Variants in GRM5 observed in about 807,000 individuals in gnomAD.
GRM5 encodes the protein metabotropic glutamate receptor 5.
A neutral mutation model predicts 83.1 loss-of-function variants in GRM5; 19 were observed. That is an observed-to-expected ratio of 0.23 (90% confidence interval 0.16 to 0.34). GRM5 has a LOEUF of 0.34. Among genes scored for constraint, GRM5 ranks in the 10% least tolerant of loss-of-function variants. The pLI, the probability that GRM5 is intolerant of heterozygous loss-of-function variation, is 1.00. For missense variants in GRM5, 1,160 were observed against 1,588.3 expected, an observed-to-expected ratio of 0.73 and a Z score of 4.58; for synonymous variants, 675 against 633.6, an observed-to-expected ratio of 1.07 and a Z score of -0.98.
intron 9 of GRM5, among the ~76,000 whole-genome samples, chr11:88,524,227 T>TTA (rs2135105533): frequency 6.9e-6 from 1 of 145,504 alleles, no homozygotes; most frequent in African/African-American, 2.6e-5. Flanking sequence ...TTTTTTTTTT[T>TTA]TTTTTTTTGA....
At chr11:88,644,642 T>C (rs1173148306) in intron 4 of GRM5, among the ~76,000 whole-genome samples, 1 of 152,144 alleles carries the variant, frequency 6.6e-6, no homozygotes, top group African/African-American at 2.4e-5. Context: ...AGTAACTTTA[T>C]CCCAAAGCAG....
At chr11:89,044,128 T>G (rs2135145924) in intron 2 of GRM5, among the ~76,000 whole-genome samples, 1 of 152,288 alleles carries the variant, frequency 6.6e-6, no homozygotes, top group East Asian at 1.9e-4. Flanking sequence ...GCAAAAGTAC[T>G]AAGGCAAAGG....
intron 7 of GRM5, among the ~76,000 whole-genome samples, chr11:88,583,448 AC>A (rs1943254755): frequency 6.6e-6 from 1 of 152,258 alleles, no homozygotes; most frequent in Non-Finnish European, 1.5e-5. Context: ...GAAGCGTTTT[AC>A]AGCTTTGGAC....
chr11:89,065,736 G>A (rs1738139288), intron 1 of GRM5, 40 bp downstream of exon 1: 1 of 152,232 alleles, frequency 6.6e-6, no homozygotes, highest in African/African-American at 2.4e-5. Context: ...TATATCCGTG[G>A]TAACTATAGC....
chr11:88,848,559 C>T (rs1054272047), intron 3 of GRM5, among the ~76,000 whole-genome samples: 2 of 152,130 alleles, frequency 1.3e-5, no homozygotes, highest in African/African-American at 2.4e-5. Flanking sequence ...TTTACACTGG[C>T]TACGTGTTAA....
intron 3 of GRM5, among the ~76,000 whole-genome samples, chr11:88,749,129 G>C (rs1196881613): frequency 6.6e-6 from 1 of 152,160 alleles, no homozygotes; most frequent in Non-Finnish European, 1.5e-5. Context: ...GCTTCAAAAG[G>C]TGGGTAATAA....
intron 2 of GRM5, among the ~76,000 whole-genome samples, chr11:88,942,425 C>T (rs190839623): frequency 3.3e-5 from 5 of 152,068 alleles, no homozygotes; most frequent in Admixed American, 2.0e-4. Flanking sequence ...GCAGGAAATA[C>T]AATTTGACGA....
At chr11:88,918,826 A>G (rs1324680147) in intron 2 of GRM5, among the ~76,000 whole-genome samples, 1 of 152,024 alleles carries the variant, frequency 6.6e-6, no homozygotes, top group Non-Finnish European at 1.5e-5. Flanking sequence ...ATCAATTTAA[A>G]GTAATGAGTT....
intron 3 of GRM5, among the ~76,000 whole-genome samples, chr11:88,766,886 G>A (rs1028506371): frequency 6.6e-6 from 1 of 151,922 alleles, no homozygotes; most frequent in African/African-American, 2.4e-5. Context: ...TAAAAAATGG[G>A]CAAAGGATGT....
intron 2 of GRM5, among the ~76,000 whole-genome samples, chr11:88,877,694 A>G (rs1250458063): frequency 6.6e-6 from 1 of 151,902 alleles, no homozygotes; most frequent in African/African-American, 2.4e-5. Flanking sequence ...ATGGTGGCAC[A>G]TGCCTGTAGT....
intron 3 of GRM5, among the ~76,000 whole-genome samples, chr11:88,780,623 T>C (rs1187592294): frequency 6.6e-6 from 1 of 152,160 alleles, no homozygotes; most frequent in Non-Finnish European, 1.5e-5. Flanking sequence ...ACAAACAAAA[T>C]GTCCATGAAA....
chr11:88,649,684 G>A (rs1460890226), intron 4 of GRM5, among the ~76,000 whole-genome samples: 1 of 151,012 alleles, frequency 6.6e-6, no homozygotes, highest in Non-Finnish European at 1.5e-5. Context: ...AAGAAAACCT[G>A]CCAATATCAA....
At position 88,936,246 on chromosome 11, in the gene GRM5, G is replaced by A. The variant is rs1269812795; in HGVS notation, c.662-86091C>T. On this transcript the variant is annotated intron_variant, in intron 2 of 9. Coordinates refer to ENST00000305447, the MANE Select transcript of GRM5 (RefSeq NM_001143831.3). ...CATCTTCCTTGCAGGATGGTTGTAA[G>A]AGATTTAAAATAACAACATAAATAT... 2.6e-5 allele frequency among the ~76,000 whole-genome samples: 4 copies of A among 151,812 alleles called. No homozygotes were observed. The Admixed American group carries it at 2.6e-4, about 10-fold the overall frequency.
chr11:89,044,497 T>G (rs546405235), intron 2 of GRM5, among the ~76,000 whole-genome samples: 1 of 152,260 alleles, frequency 6.6e-6, no homozygotes, highest in Non-Finnish European at 1.5e-5. Flanking sequence ...TACACTTTCT[T>G]GAAGGAACAT....
chr11:88,725,919 G>A (rs917962177), intron 3 of GRM5, among the ~76,000 whole-genome samples: 4 of 152,064 alleles, frequency 2.6e-5, no homozygotes, highest in African/African-American at 9.7e-5. Context: ...ATAAATCCAC[G>A]AAGATGAGAA....
chr11:88,559,788 T>A, intron 8 of GRM5, among the ~76,000 whole-genome samples: 1 of 152,156 alleles, frequency 6.6e-6, no homozygotes, highest in East Asian at 1.9e-4. Context: ...CATGGTATAG[T>A]GTGTGTCTGT....
At chr11:88,983,253 T>G (rs1288192269) in intron 2 of GRM5, among the ~76,000 whole-genome samples, 1 of 152,208 alleles carries the variant, frequency 6.6e-6, no homozygotes, top group Non-Finnish European at 1.5e-5. Flanking sequence ...TCATAGCAAT[T>G]CTCTTACTAC....
chr11:89,023,170 C>T (rs551589356), intron 2 of GRM5, among the ~76,000 whole-genome samples: 15 of 151,038 alleles, frequency 9.9e-5, no homozygotes, highest in South Asian at 2.1e-4. Flanking sequence ...TGTGTGCGCG[C>T]GCGTGCACAT....
intron 2 of GRM5, among the ~76,000 whole-genome samples, chr11:88,907,436 AAG>A (rs1223198576): frequency 6.6e-6 from 1 of 152,188 alleles, no homozygotes. Flanking sequence ...GAATAAGACT[AAG>A]AGAGAGAGAA....
Sources: gnomAD v4.1 joint callset for allele counts (sites outside exome capture counted in the v4.1 genomes callset) on GRCh38, gnomAD v4.1.1 for gene constraint, MANE v1.5 for transcripts, NCBI Gene and HGNC (gene_info 2026-07-23, HGNC 2026-07-21) for gene names.